Variants in NEDD4 observed in about 807,000 individuals in gnomAD.
The protein encoded by NEDD4 is NEDD4 E3 ubiquitin protein ligase, also known as E3 ubiquitin-protein ligase NEDD4.
NEDD4 carries 99 observed loss-of-function variants against 144.9 expected under a neutral mutation model. The ratio of observed to expected loss-of-function variants is 0.68; its 90% CI spans 0.58 to 0.81. The LOEUF is 0.81. NEDD4 is among the 30% of genes least tolerant of loss of function. The probability of loss-of-function intolerance (pLI) is 0.00; values close to 1 mark genes in which losing one functional copy is unlikely to be tolerated. For synonymous variants in NEDD4, 318 were observed against 350.6 expected, an observed-to-expected ratio of 0.91 and a Z score of 1.04; for missense variants, 985 against 1,065.9, an observed-to-expected ratio of 0.92 and a Z score of 1.06.
intron 12 of NEDD4, among the ~76,000 whole-genome samples, chr15:55,853,069 T>C (rs28660477): frequency 0.31 from 47,261 of 152,006 alleles, 7,518 homozygotes; most frequent in South Asian, 0.44. Flanking sequence ...TAAATATTAA[T>C]AAGAAAGAAT....
intron 4 of NEDD4, among the ~76,000 whole-genome samples, chr15:55,946,717 C>A (rs1168178164): frequency 1.3e-5 from 2 of 152,196 alleles, no homozygotes; most frequent in Non-Finnish European, 2.9e-5. Flanking sequence ...CTTCTCAGCA[C>A]CACACCACAC....
In NEDD4 at chr15:55,848,614, G is replaced by T. The variant is rs763122986; in HGVS notation, c.1429-39C>A. The stretch of plus-strand genomic sequence containing the variant: ...TGTATTTCAATTATTTTAGGAGAGG[G>T]GCGTAGATGAATGGATAGAAAAATA... On this transcript the variant is annotated intron_variant, in intron 15 of 28. Transcript: ENST00000435532. The T allele has an allele frequency of 1.2e-5, 18 of 1,556,220 alleles. No homozygotes were observed. In the East Asian group the frequency reaches 3.8e-4, roughly 33 times the overall value.
At chr15:55,858,311 CT>C (rs58144156) in intron 11 of NEDD4, among the ~76,000 whole-genome samples, 132,796 of 151,132 alleles carry the variant, frequency 0.88, 58,501 homozygotes, top group East Asian at 0.96. Context: ...ATGGTTTATT[CT>C]TTTTTTTTTC....
intron 1 of NEDD4, among the ~76,000 whole-genome samples, chr15:55,975,978 C>T (rs554511359): frequency 1.4e-4 from 22 of 152,276 alleles, no homozygotes; most frequent in African/African-American, 5.3e-4. Context: ...TAAATCTATA[C>T]ATCTATAGTG....
intron 5 of NEDD4, among the ~76,000 whole-genome samples, chr15:55,875,543 C>G (rs150289426): frequency 0.018 from 2,766 of 152,250 alleles, 68 homozygotes; most frequent in African/African-American, 0.064. Context: ...GTCTCAAACT[C>G]CTGACCTCAG....
At position 55,856,195 on chromosome 15, in the gene NEDD4, T is replaced by C. The variant is rs1328673048; in HGVS notation, c.962A>G (p.Asn321Ser). Residue 321 changes from asparagine (N) to serine (S), a missense_variant and splice_region_variant, in exon 12 of 29, where the codon AAT (asparagine) becomes AGT (serine). Transcript: ENST00000435532. ...SAVSQPASSS[N>S]HSSRRGSLQA... ...TAAGCTGCCTCTTCTGCTGGAATGA[T>C]TCTTGTGAAAAAACAAGACAACAGA... is the stretch of plus-strand genomic sequence containing the variant. 1.9e-6 allele frequency: 3 copies of C among 1,610,046 alleles called. No individual in the cohort carries two copies. In the African/African-American group the frequency reaches 4.0e-5, roughly 22 times the overall value.
chr15:55,946,591 A>G (rs1213453993), intron 4 of NEDD4, among the ~76,000 whole-genome samples: 1 of 152,232 alleles, frequency 6.6e-6, no homozygotes, highest in South Asian at 2.1e-4. Flanking sequence ...AACATTAGAC[A>G]GATCAATGAG....
At chr15:55,972,272 C>T (rs2037624380) in intron 1 of NEDD4, among the ~76,000 whole-genome samples, 1 of 151,982 alleles carries the variant, frequency 6.6e-6, no homozygotes, top group Non-Finnish European at 1.5e-5. Flanking sequence ...ATATCTTGAG[C>T]AGAAAGACTA....
chr15:55,838,887 T>C (rs1328487756), intron 21 of NEDD4, among the ~76,000 whole-genome samples: 1 of 152,176 alleles, frequency 6.6e-6, no homozygotes, highest in African/African-American at 2.4e-5. Flanking sequence ...GCAGTGGAGG[T>C]ACAGATTTTA....
intron 5 of NEDD4, among the ~76,000 whole-genome samples, chr15:55,910,314 C>T (rs2036230850): frequency 2.0e-5 from 3 of 152,036 alleles, no homozygotes; most frequent in Admixed American, 2.0e-4. Flanking sequence ...TCTCCTGAGC[C>T]TACTCTTGCT....
In NEDD4 at chr15:55,872,446, T is replaced by G. The variant is rs1439073297; in HGVS notation, c.373A>C (p.Thr125Pro). The G allele has an allele frequency of 1.4e-6, 2 of 1,471,246 alleles. No individual in the cohort carries two copies. Among genetic ancestry groups the G allele is most frequent in the Middle Eastern group, 1.7e-4 (1 of 5,786 alleles). The allele number at this position is 1,471,246 out of a possible 1,614,324, so 91.1% of individuals were successfully genotyped here. The change falls in exon 7 of 29, where the codon ACA becomes CCA. Residue 125 changes from threonine (T) to proline (P), a missense_variant. Transcript: ENST00000435532. ...TENPRLERPY[T>P]FKDFVLHPRS... ...GGATGAAGAACAAAATCCTTAAATG[T>G]ATATGGTCTCTCCAATCTTGGATTT...
chr15:55,869,636 A>G lies in NEDD4; in HGVS notation c.450T>C (p.Tyr150=), dbSNP rs1020732502. The part of the protein sequence containing the change: ...VKGYLRLKMT[Y]LPKTSGSEDD... ...CTTCTGAGCCACTGGTTTTAGGTAA[A>G]TAAGTCATTTTTAGTCTCAGATAAC... Residue 150 remains tyrosine, a synonymous_variant, in exon 8 of 29, where the codon TAT becomes TAC. Coordinates refer to ENST00000435532, the MANE Select transcript of NEDD4 (RefSeq NM_006154.4). 1.8e-5 allele frequency: 29 copies of G among 1,581,874 alleles called. No homozygotes were observed. The highest frequency in any genetic ancestry group is 3.3e-4 in the Middle Eastern group (2 of 6,044).
intron 16 of NEDD4, 22 bp downstream of exon 16, chr15:55,848,499 T>G: frequency 6.2e-7 from 1 of 1,613,234 alleles, no homozygotes; most frequent in Non-Finnish European, 8.5e-7. Context: ...AATAACATAA[T>G]GAAAAATCGC....
intron 1 of NEDD4, among the ~76,000 whole-genome samples, chr15:55,980,686 G>A (rs2037783235): frequency 6.6e-6 from 1 of 152,182 alleles, no homozygotes; most frequent in African/African-American, 2.4e-5. Flanking sequence ...TACACAACAG[G>A]TGTACAGAAC....
chr15:55,951,594 TAAAA>T lies in NEDD4; in HGVS notation c.120-9_120-6del, dbSNP rs10718511. The T allele has an allele frequency of 5.3e-4, 628 of 1,183,200 alleles. No homozygotes were observed. Among genetic ancestry groups the T allele is most frequent in the South Asian group, 1.7e-3 (85 of 50,308 alleles). The allele number at this position is 1,183,200 out of a possible 1,614,324, so 73.3% of individuals were successfully genotyped here. A position where few individuals can be genotyped will look rare whatever the true frequency, so the allele number is the denominator to read the frequency against. On this transcript the variant is annotated splice_region_variant and splice_polypyrimidine_tract_variant and intron_variant, in intron 2 of 28. Coordinates refer to ENST00000435532, the MANE Select transcript of NEDD4 (RefSeq NM_006154.4). ...GTCACTCTCACGTAAGGATCACTGT[TAAAA>T]AAAAAAAAAAAAAGAAAGAAAAATT...
At chr15:55,838,270 T>G (rs1015007626) in intron 22 of NEDD4, 90 bp from the exon 23 acceptor site, 14 of 945,980 alleles carry the variant, frequency 1.5e-5, no homozygotes, top group Non-Finnish European at 1.3e-5. Context: ...AACTTGGTGT[T>G]TTAAATTAAG....
chr15:55,952,050 C>T (rs1192088365), intron 2 of NEDD4, among the ~76,000 whole-genome samples: 7 of 151,240 alleles, frequency 4.6e-5, no homozygotes, highest in African/African-American at 1.2e-4. Flanking sequence ...TAGGTGTGGC[C>T]GCGCACGGTG....
At chr15:55,867,737 C>A (rs749111892) in intron 8 of NEDD4, among the ~76,000 whole-genome samples, 6 of 152,158 alleles carry the variant, frequency 3.9e-5, no homozygotes, top group Non-Finnish European at 8.8e-5. Flanking sequence ...CAGGGGCTAT[C>A]TATACTCTGT....
At chr15:55,942,665 T>C (rs918262447) in intron 4 of NEDD4, among the ~76,000 whole-genome samples, 5 of 152,228 alleles carry the variant, frequency 3.3e-5, no homozygotes, top group Non-Finnish European at 7.3e-5. Context: ...GTTTTCTTTA[T>C]AAACTGCTCA....
Sources: gnomAD v4.1 joint callset for allele counts (sites outside exome capture counted in the v4.1 genomes callset) on GRCh38, gnomAD v4.1.1 for gene constraint, MANE v1.5 for transcripts, NCBI Gene and HGNC (gene_info 2026-07-23, HGNC 2026-07-21) for gene names.